FLRT1: variants seen among roughly 807,000 people sequenced by gnomAD.
FLRT1 encodes fibronectin leucine rich transmembrane protein 1, also known as leucine-rich repeat transmembrane protein FLRT1.
In FLRT1, 14 loss-of-function variants were observed where a neutral mutation model predicts 30.9. The ratio of observed to expected loss-of-function variants is 0.45; its 90% confidence interval spans 0.30 to 0.71. FLRT1 has a LOEUF of 0.71. Among genes scored for constraint, FLRT1 ranks in the 30% least tolerant of loss-of-function variants. The probability of loss-of-function intolerance (pLI) is 0.08; values close to 1 mark genes in which losing one functional copy is unlikely to be tolerated. For synonymous variants in FLRT1, 368 were observed against 430.4 expected (o/e 0.85, Z 1.80); for missense variants, 737 against 949.2 (o/e 0.78, Z 2.94).
In FLRT1 at chr11:64,118,925, A is replaced by AT. The variant is rs2075909260; in HGVS notation, c.*635dup. ...CATTCTTTGAACAATCATGTAGTCG[A>AT]TTAAAAAAAAAAAACAAACTTTTTT... is the stretch of plus-strand genomic sequence containing the variant. On this transcript the variant is annotated 3_prime_UTR_variant, in exon 3 of 3. Transcript: ENST00000682287. 1 of 163,806 alleles carries AT rather than the reference A, an allele frequency of 6.1e-6. No individual in the cohort carries two copies. Among genetic ancestry groups the AT allele is most frequent in the Non-Finnish European group, 1.5e-5 (1 of 65,932 alleles). The allele number at this position is 163,806 out of a possible 1,614,324, so 10.1% of individuals were successfully genotyped here. A position where few individuals can be genotyped will look rare whatever the true frequency, so the allele number is the denominator to read the frequency against.
intron 1 of FLRT1, among the ~76,000 whole-genome samples, chr11:64,091,747 C>T (rs1156465632): frequency 6.6e-6 from 1 of 152,218 alleles, no homozygotes; most frequent in African/African-American, 2.4e-5. Flanking sequence ...TAGCACTGTC[C>T]TGTCCCCTCC....
intron 1 of FLRT1, among the ~76,000 whole-genome samples, chr11:64,099,585 T>A (rs1944635751): frequency 6.7e-6 from 1 of 150,268 alleles, no homozygotes; most frequent in South Asian, 2.1e-4. Flanking sequence ...GATGGACTGA[T>A]GGAGAGACGG....
chr11:64,071,242 C>T (rs1944103067), intron 1 of FLRT1, among the ~76,000 whole-genome samples: 1 of 152,030 alleles, frequency 6.6e-6, no homozygotes, highest in African/African-American at 2.4e-5. Context: ...TCAGGTACCT[C>T]TCTCTCTCAG....
At position 64,082,267 on chromosome 11, in the gene FLRT1, G is replaced by C. The variant is rs867149219; in HGVS notation, c.-1037-20927G>C. Among the ~76,000 whole-genome samples the C allele has an allele frequency of 1.8e-4, 28 of 152,244 alleles. No individual in the cohort carries two copies. Among genetic ancestry groups the C allele is most frequent in the African/African-American group, 5.1e-4 (21 of 41,520 alleles). Reference sequence around the variant, plus strand: ...CTTAGCAGAGGATGGCTGAGCCTGGGGGGTGGAGAAAATCTTGCCTCCTGC... The same window carrying C: ...CTTAGCAGAGGATGGCTGAGCCTGGCGGGTGGAGAAAATCTTGCCTCCTGC... On this transcript the variant is annotated intron_variant, in intron 1 of 2. Transcript: ENST00000682287. This position sits in a 1 kb window ranked among gnomAD's most constrained non-coding sequence, Gnocchi z 4.5.
chr11:64,046,469 AC>A (rs1478919485), intron 1 of FLRT1, among the ~76,000 whole-genome samples: 1 of 151,972 alleles, frequency 6.6e-6, no homozygotes, highest in Non-Finnish European at 1.5e-5. Flanking sequence ...CTTGCCCTGG[AC>A]CCCAGACAGT....
chr11:64,058,992 G>A (rs1375718447), intron 1 of FLRT1, among the ~76,000 whole-genome samples: 1 of 152,146 alleles, frequency 6.6e-6, no homozygotes, highest in Non-Finnish European at 1.5e-5. Flanking sequence ...TTCAAAACAG[G>A]GGCTCACTGT....
Position 64,056,558 on chromosome 11 carries a change from A to C in FLRT1, c.-1038+20399A>C, listed in dbSNP as rs373979513. Among the ~76,000 whole-genome samples the C allele has an allele frequency of 4.2e-4, 64 of 152,314 alleles. No individual in the cohort carries two copies. In the East Asian group the frequency reaches 7.5e-3, roughly 18 times the overall value. On this transcript the variant is annotated intron_variant, in intron 1 of 2. Coordinates refer to ENST00000682287, the MANE Select transcript of FLRT1 (RefSeq NM_013280.5). ...AGGCAACAGCCGGGGGCCTGGCCCAAACCTCATGCCCCAAAGGCTGCGGCC... is the reference window on the plus strand; with the variant it reads ...AGGCAACAGCCGGGGGCCTGGCCCACACCTCATGCCCCAAAGGCTGCGGCC...
intron 1 of FLRT1, among the ~76,000 whole-genome samples, chr11:64,066,050 CTT>C (rs951253540): frequency 1.6e-4 from 25 of 151,976 alleles, no homozygotes; most frequent in Non-Finnish European, 3.1e-4. Flanking sequence ...AATCCCAACA[CTT>C]TGTGGGGGCT....
chr11:64,073,533 T>C (rs182203692), intron 1 of FLRT1, among the ~76,000 whole-genome samples: 1 of 152,328 alleles, frequency 6.6e-6, no homozygotes, highest in Admixed American at 6.5e-5. Flanking sequence ...ACTTACTAAT[T>C]AACTTAACTA....
chr11:64,076,447 T>C (rs1482893301), intron 1 of FLRT1, among the ~76,000 whole-genome samples: 13 of 150,060 alleles, frequency 8.7e-5, no homozygotes, highest in South Asian at 2.1e-4. Context: ...GATGGATGGA[T>C]GGACGGATGG....
chr11:64,070,315 TCC>T (rs1944083520), intron 1 of FLRT1, among the ~76,000 whole-genome samples: 1 of 152,064 alleles, frequency 6.6e-6, no homozygotes, highest in African/African-American at 2.4e-5. Context: ...CTCCTCATGT[TCC>T]CTGGGGGCCT....
At chr11:64,076,982 G>A (rs945885379) in intron 1 of FLRT1, among the ~76,000 whole-genome samples, 3 of 152,106 alleles carry the variant, frequency 2.0e-5, no homozygotes, top group Admixed American at 6.6e-5. Context: ...AAATAGGGCT[G>A]AGTGACGGAT....
intron 2 of FLRT1, among the ~76,000 whole-genome samples, chr11:64,111,584 G>A (rs1482785580): frequency 1.3e-5 from 2 of 152,192 alleles, no homozygotes; most frequent in Non-Finnish European, 2.9e-5. Context: ...CTGAGTCTCA[G>A]GCTGCTGGGC....
In FLRT1 at chr11:64,079,240, A is replaced by G. The variant is rs182765417; in HGVS notation, c.-1037-23954A>G. On this transcript the variant is annotated intron_variant, in intron 1 of 2. Transcript: ENST00000682287. ...CCCCACGGCCCCTTCCTGCTCTGGC[A>G]TGTGGCTTGAGGGGTCACAGGGGCT... 1.5e-4 allele frequency among the ~76,000 whole-genome samples: 23 copies of G among 152,010 alleles called. 1 individual carries two copies. The highest frequency in any genetic ancestry group is 5.5e-4 in the African/African-American group (23 of 41,446).
chr11:64,082,858 G>A lies in FLRT1; in HGVS notation c.-1037-20336G>A, dbSNP rs577709216. ...CCACAGGGCACCAGACACCGAGGTA[G>A]GCAGGGCTGTGCCTGCTCCAGCCCA... On this transcript the variant is annotated intron_variant, in intron 1 of 2. Coordinates refer to ENST00000682287, the MANE Select transcript of FLRT1 (RefSeq NM_013280.5). This position sits in a 1 kb window ranked among gnomAD's most constrained non-coding sequence, Gnocchi z 4.5. 4 of 152,552 alleles carry A rather than the reference G, an allele frequency of 2.6e-5. No homozygotes were observed. The South Asian group carries it at 6.2e-4, about 24-fold the overall frequency. 9.4% of individuals were successfully genotyped at this position (152,552 alleles called of 1,614,324 possible).
intron 2 of FLRT1, among the ~76,000 whole-genome samples, chr11:64,110,645 C>T (rs1944844984): frequency 6.6e-6 from 1 of 152,060 alleles, no homozygotes; most frequent in South Asian, 2.1e-4. Context: ...CCCACTGCTC[C>T]CTTCGCCCAC....
intron 1 of FLRT1, among the ~76,000 whole-genome samples, chr11:64,089,486 C>A (rs1944452575): frequency 6.6e-6 from 1 of 152,210 alleles, no homozygotes; most frequent in Non-Finnish European, 1.5e-5. Flanking sequence ...GGGTCCAGCC[C>A]CCTCCCCTGA....
intron 2 of FLRT1, among the ~76,000 whole-genome samples, chr11:64,105,233 C>T (rs1944739290): frequency 6.6e-6 from 1 of 152,218 alleles, no homozygotes; most frequent in African/African-American, 2.4e-5. Flanking sequence ...TGCTTCTCTC[C>T]CAGTGCCCAG....
At chr11:64,051,125 A>T (rs1943686095) in intron 1 of FLRT1, among the ~76,000 whole-genome samples, 1 of 152,204 alleles carries the variant, frequency 6.6e-6, no homozygotes, top group Non-Finnish European at 1.5e-5. Context: ...CAGCCCCCAA[A>T]GCCCCAGGTT....
Sources: gnomAD v4.1 joint callset for allele counts (sites outside exome capture counted in the v4.1 genomes callset) on GRCh38, gnomAD v4.1.1 for gene constraint, Gnocchi (gnomAD v3.1) non-coding constraint, MANE v1.5 for transcripts, NCBI Gene and HGNC (gene_info 2026-07-23, HGNC 2026-07-21) for gene names.